MYO1B: variants seen among roughly 807,000 people sequenced by gnomAD.
MYO1B encodes the protein myosin IB, also known as unconventional myosin-Ib.
Under a neutral mutation model 159.7 loss-of-function variants are expected in MYO1B, and 72 were observed. That is an observed-to-expected ratio of 0.45 (90% CI 0.37 to 0.55). The LOEUF is 0.55. Ranked by LOEUF, MYO1B falls within the 20% of genes least tolerant of loss-of-function variation. The probability of loss-of-function intolerance (pLI) is 0.00; values close to 1 mark genes in which losing one functional copy is unlikely to be tolerated. For synonymous variants in MYO1B, 468 were observed against 473.8 expected (o/e 0.99, Z 0.16); for missense variants, 1,062 against 1,364.8 (o/e 0.78, Z 3.50).
chr2:191,381,142 C>T, intron 13 of MYO1B: 1 of 368,742 alleles, frequency 2.7e-6, no homozygotes, highest in Non-Finnish European at 5.2e-6. Context: ...GTGGAGCTCA[C>T]TGTGTCTTTG....
Position 191,423,906 on chromosome 2 carries a change from T to C in MYO1B, c.3357T>C (p.Ser1119=). 6.2e-7 allele frequency: 1 copy of C among 1,613,936 alleles called. No individual in the cohort carries two copies. The highest frequency in any genetic ancestry group is 8.5e-7 in the Non-Finnish European group (1 of 1,179,902). ...KFIQGNQKNG[S]VPTCKRKNNR... is the part of the protein sequence containing the mutation. ...TTCAGGGAAACCAGAAAAATGGGAG[T>C]GTCCCAACATGTAAACGAAAAAACA... The change falls in exon 31 of 31, where the codon AGT becomes AGC. Residue 1119 remains serine, a synonymous_variant. Coordinates refer to ENST00000392318, the MANE Select transcript of MYO1B (RefSeq NM_001130158.3).
intron 3 of MYO1B, among the ~76,000 whole-genome samples, chr2:191,313,192 C>CTTTTTTTTTTTTTTTTTTTTT (rs762175060): frequency 9.3e-5 from 4 of 42,992 alleles, no homozygotes; most frequent in Non-Finnish European, 1.1e-4. Context: ...GCACACATGG[C>CTTTTTTTTTTTTTTTTTTTTT]TTTTTTTTTT....
At chr2:191,388,100 A>G (rs1385392205) in intron 17 of MYO1B, 1 of 152,530 alleles carries the variant, frequency 6.6e-6, no homozygotes. Flanking sequence ...CCTGGCCAAC[A>G]TGGCAAAACC....
At chr2:191,414,942 A>G (rs1434665522) in intron 29 of MYO1B, among the ~76,000 whole-genome samples, 2 of 152,204 alleles carry the variant, frequency 1.3e-5, no homozygotes, top group African/African-American at 4.8e-5. Context: ...TCTTCTATGT[A>G]TCAACTTAGT....
chr2:191,247,190 C>T (rs1359077717), intron 1 of MYO1B, among the ~76,000 whole-genome samples: 1 of 152,174 alleles, frequency 6.6e-6, no homozygotes, highest in Non-Finnish European at 1.5e-5. Flanking sequence ...GTTAGCATTA[C>T]TGTGGTGATA....
At chr2:191,404,378 C>G (rs1400886) in intron 24 of MYO1B, among the ~76,000 whole-genome samples, 4 of 152,304 alleles carry the variant, frequency 2.6e-5, no homozygotes, top group East Asian at 3.9e-4. Context: ...AACTAAATAT[C>G]GTATGACTTC....
chr2:191,265,727 C>T (rs1190518368), intron 1 of MYO1B, among the ~76,000 whole-genome samples: 2 of 152,258 alleles, frequency 1.3e-5, no homozygotes, highest in Non-Finnish European at 2.9e-5. Flanking sequence ...TTGAAAAGTC[C>T]GTGCGTTATA....
chr2:191,247,347 A>G (rs1685852118), intron 1 of MYO1B, among the ~76,000 whole-genome samples: 1 of 152,182 alleles, frequency 6.6e-6, no homozygotes, highest in Non-Finnish European at 1.5e-5. Context: ...AAAGCCTCTT[A>G]ACCTTAGAAG....
chr2:191,346,174 T>C (rs905494641), intron 5 of MYO1B, 62 bp from the exon 6 acceptor site: 7 of 1,273,448 alleles, frequency 5.5e-6, no homozygotes, highest in Non-Finnish European at 7.7e-6. Flanking sequence ...TGTATTTGCT[T>C]TATCTTTCTG....
At chr2:191,379,350 A>G (rs913167263) in intron 13 of MYO1B, 8 of 152,660 alleles carry the variant, frequency 5.2e-5, no homozygotes, top group African/African-American at 1.9e-4. Flanking sequence ...TGAGTTTTGC[A>G]GTAAGTGGTT....
intron 23 of MYO1B, 88 bp from the exon 24 acceptor site, chr2:191,402,544 C>A: frequency 9.3e-7 from 1 of 1,073,178 alleles, no homozygotes; most frequent in Non-Finnish European, 1.4e-6. Flanking sequence ...CATAAATTGG[C>A]TCTTCTGTTT....
At chr2:191,402,771 A>G (rs2126140687) in intron 24 of MYO1B, 53 bp downstream of exon 24, 2 of 1,361,512 alleles carry the variant, frequency 1.5e-6, no homozygotes, top group African/African-American at 1.4e-5. Context: ...AAAGCCTAGC[A>G]CCTACTAACC....
At chr2:191,344,479 G>C (rs987869311) in intron 5 of MYO1B, among the ~76,000 whole-genome samples, 7 of 152,170 alleles carry the variant, frequency 4.6e-5, no homozygotes, top group Non-Finnish European at 8.8e-5. Flanking sequence ...AAAGAACTTT[G>C]CCTGTGTTGA....
chr2:191,383,072 G>A (rs755910650), intron 14 of MYO1B, among the ~76,000 whole-genome samples: 7 of 152,156 alleles, frequency 4.6e-5, no homozygotes, highest in Non-Finnish European at 7.3e-5. Context: ...GGTCAAGGGT[G>A]TTTGCTTCAA....
At chr2:191,277,162 A>G in intron 2 of MYO1B, 132 bp downstream of exon 2, 1 of 1,110,008 alleles carries the variant, frequency 9.0e-7, no homozygotes, top group South Asian at 1.6e-5. Context: ...TTATACCCTC[A>G]GAAAGAGTTG....
chr2:191,267,091 TC>T (rs899585240), intron 1 of MYO1B, among the ~76,000 whole-genome samples: 1 of 152,036 alleles, frequency 6.6e-6, no homozygotes, highest in African/African-American at 2.4e-5. Flanking sequence ...TGCCTGTCCC[TC>T]TCTGCCTATG....
chr2:191,341,826 A>T (rs1692243893), intron 5 of MYO1B, among the ~76,000 whole-genome samples: 1 of 152,078 alleles, frequency 6.6e-6, no homozygotes, highest in Admixed American at 6.5e-5. Flanking sequence ...GAATTCTTTA[A>T]ATTTTGATTA....
intron 8 of MYO1B, 112 bp from the exon 9 acceptor site, chr2:191,362,156 A>G: frequency 4.1e-6 from 3 of 723,238 alleles, no homozygotes; most frequent in South Asian, 2.0e-5. Flanking sequence ...TTTTGATTCA[A>G]TACTTAATAT....
chr2:191,268,180 C>G (rs1405836048), intron 1 of MYO1B, among the ~76,000 whole-genome samples: 1 of 152,218 alleles, frequency 6.6e-6, no homozygotes, highest in African/African-American at 2.4e-5. Flanking sequence ...AAAGAACAGA[C>G]ATTTATTTCT....
Sources: gnomAD v4.1 joint callset for allele counts (sites outside exome capture counted in the v4.1 genomes callset) on GRCh38, gnomAD v4.1.1 for gene constraint, MANE v1.5 for transcripts, NCBI Gene and HGNC (gene_info 2026-07-23, HGNC 2026-07-21) for gene names.